KCNC2: variants seen among roughly 807,000 people sequenced by gnomAD.
KCNC2 encodes potassium voltage-gated channel subfamily C member 2.
A neutral mutation model predicts 44.5 loss-of-function variants in KCNC2; 21 were observed. The observed-to-expected ratio is 0.47, with a 90% CI of 0.33 to 0.68. The LOEUF (loss-of-function observed/expected upper bound fraction) is 0.68. KCNC2 is among the 30% of genes least tolerant of loss of function. The pLI is 0.01. For missense variants in KCNC2, 589 were observed against 826.2 expected (o/e 0.71, Z 3.52); for synonymous variants, 391 against 339.1 (o/e 1.15, Z -1.68).
chr12:75,115,494 T>C (rs1323679599), intron 2 of KCNC2, among the ~76,000 whole-genome samples: 2 of 152,336 alleles, frequency 1.3e-5, no homozygotes, highest in East Asian at 3.9e-4. Flanking sequence ...CTTATTTATT[T>C]ATGCTCCCAT....
intron 2 of KCNC2, among the ~76,000 whole-genome samples, chr12:75,148,636 G>A (rs551444137): frequency 6.6e-6 from 1 of 151,824 alleles, no homozygotes; most frequent in East Asian, 1.9e-4. Flanking sequence ...TATTTTTTAG[G>A]TAAAATAAAA....
chr12:75,137,490 TA>T lies in KCNC2; in HGVS notation c.687+69806del, dbSNP rs113311330. On this transcript the variant is annotated intron_variant, in intron 2 of 4. Transcript: ENST00000549446. ...TCATCAGACCATGGAAAACATGGAC[TA>T]ACAAAGATTTTTTAAAAAACAAAAT... Among the ~76,000 whole-genome samples the T allele has an allele frequency of 4.5e-3, 684 of 152,290 alleles. 3 individuals are homozygous for T. The highest frequency in any genetic ancestry group is 0.015 in the African/African-American group (628 of 41,574).
intron 2 of KCNC2, among the ~76,000 whole-genome samples, chr12:75,175,029 C>T (rs905979563): frequency 2.0e-5 from 3 of 151,874 alleles, no homozygotes; most frequent in Admixed American, 1.3e-4. Flanking sequence ...AATCTGCTTC[C>T]TGCCTGCTCT....
chr12:75,198,674 C>A (rs1263010407), intron 2 of KCNC2, among the ~76,000 whole-genome samples: 2 of 151,796 alleles, frequency 1.3e-5, no homozygotes, highest in South Asian at 4.1e-4. Context: ...ATTTCCGGTA[C>A]AATTATTATA....
intron 2 of KCNC2, among the ~76,000 whole-genome samples, chr12:75,176,536 G>T (rs951275061): frequency 7.2e-5 from 11 of 151,780 alleles, no homozygotes; most frequent in African/African-American, 2.7e-4. Context: ...CAGCCAAATG[G>T]CCTCACAGTT....
chr12:75,202,439 C>G (rs2031360296), intron 2 of KCNC2, among the ~76,000 whole-genome samples: 1 of 151,724 alleles, frequency 6.6e-6, no homozygotes, highest in Non-Finnish European at 1.5e-5. Context: ...CTGAAAAGGT[C>G]AAAAGACACT....
At chr12:75,069,439 A>G (rs1313781239) in intron 2 of KCNC2, among the ~76,000 whole-genome samples, 1 of 151,858 alleles carries the variant, frequency 6.6e-6, no homozygotes, top group Non-Finnish European at 1.5e-5. Context: ...CTCGGCCTCA[A>G]TGTTATATAA....
chr12:75,174,088 T>C (rs565412721), intron 2 of KCNC2, among the ~76,000 whole-genome samples: 2 of 151,820 alleles, frequency 1.3e-5, no homozygotes, highest in South Asian at 2.1e-4. Context: ...TTCCTTCATA[T>C]GAATTTTGAT....
intron 2 of KCNC2, among the ~76,000 whole-genome samples, chr12:75,108,714 A>T (rs1299162369): frequency 6.6e-6 from 1 of 152,184 alleles, no homozygotes; most frequent in Non-Finnish European, 1.5e-5. Flanking sequence ...ATCCATTCTA[A>T]ACCAAATAGG....
At chr12:75,193,671 C>T (rs1003358590) in intron 2 of KCNC2, among the ~76,000 whole-genome samples, 3 of 152,030 alleles carry the variant, frequency 2.0e-5, no homozygotes, top group Non-Finnish European at 1.5e-5. Context: ...GGAAAGGTAA[C>T]CCCATATTGA....
Position 75,184,136 on chromosome 12 carries a change from A to G in KCNC2, c.687+23161T>C, listed in dbSNP as rs186849375. Among the ~76,000 whole-genome samples, 67 of 152,242 alleles carry G rather than the reference A, an allele frequency of 4.4e-4. 1 individual carries two copies. The highest frequency in any genetic ancestry group is 1.6e-3 in the African/African-American group (66 of 41,548). The stretch of plus-strand genomic sequence containing the variant: ...CCATGTCTCCTGTAGACTGCCTATT[A>G]TAACACTTATATTTGATAGTAATGC... On this transcript the variant is annotated intron_variant, in intron 2 of 4. Coordinates refer to ENST00000549446, the MANE Select transcript of KCNC2 (RefSeq NM_139137.4).
chr12:75,174,376 G>A (rs888644415), intron 2 of KCNC2, among the ~76,000 whole-genome samples: 3 of 151,726 alleles, frequency 2.0e-5, no homozygotes, highest in African/African-American at 4.8e-5. Context: ...ATTTTCAAAT[G>A]TTCTTAGGTA....
At chr12:75,178,187 A>G (rs1892323346) in intron 2 of KCNC2, among the ~76,000 whole-genome samples, 1 of 152,034 alleles carries the variant, frequency 6.6e-6, no homozygotes, top group Non-Finnish European at 1.5e-5. Flanking sequence ...CATCACAACC[A>G]GTGAGTCATT....
chr12:75,076,183 G>A (rs1883952138), intron 2 of KCNC2, among the ~76,000 whole-genome samples: 1 of 152,002 alleles, frequency 6.6e-6, no homozygotes, highest in South Asian at 2.1e-4. Context: ...CTAACTTACA[G>A]CAGACTTAAG....
chr12:75,062,301 T>C (rs1882423853), intron 2 of KCNC2, among the ~76,000 whole-genome samples: 1 of 152,066 alleles, frequency 6.6e-6, no homozygotes, highest in African/African-American at 2.4e-5. Context: ...TAAAATAGTG[T>C]TTTATGCATA....
intron 2 of KCNC2, among the ~76,000 whole-genome samples, chr12:75,072,807 A>C (rs1883549870): frequency 6.6e-6 from 1 of 152,150 alleles, no homozygotes. Flanking sequence ...TCTTGAACTA[A>C]AGATCTTAAA....
intron 2 of KCNC2, among the ~76,000 whole-genome samples, chr12:75,150,222 C>T (rs148743806): frequency 5.3e-5 from 8 of 151,972 alleles, no homozygotes; most frequent in East Asian, 1.9e-4. Flanking sequence ...TTGGATGACT[C>T]ATAAAAATAA....
In KCNC2 at chr12:75,040,353, A is replaced by G. The variant is rs201184562; in HGVS notation, c.*2752T>C. Reference sequence around the variant, plus strand: ...TACAACAGTTTTAAAGACACGTACAAGCTTCATTTGCCACAAAACTCACAA... The same window carrying G: ...TACAACAGTTTTAAAGACACGTACAGGCTTCATTTGCCACAAAACTCACAA... On this transcript the variant is annotated 3_prime_UTR_variant, in exon 5 of 5. Transcript: ENST00000549446. 3 of 152,180 alleles carry G rather than the reference A, an allele frequency of 2.0e-5. No individual in the cohort carries two copies. Among genetic ancestry groups the G allele is most frequent in the African/African-American group, 4.8e-5 (2 of 41,438 alleles). 9.4% of individuals were successfully genotyped at this position (152,180 alleles called of 1,614,324 possible).
intron 2 of KCNC2, among the ~76,000 whole-genome samples, chr12:75,185,719 T>C (rs1157316092): frequency 2.6e-5 from 4 of 152,144 alleles, no homozygotes; most frequent in African/African-American, 9.7e-5. Flanking sequence ...AAATGTACTA[T>C]CATAATTTCT....
Sources: allele counts gnomAD v4.1 joint callset (sites outside exome capture counted in the v4.1 genomes callset), GRCh38; gene constraint gnomAD v4.1.1; transcripts MANE v1.5; gene names NCBI Gene and HGNC (gene_info 2026-07-23, HGNC 2026-07-21).